The following LMBRD1 variants were observed in gnomAD, a reference collection of about 807,000 sequenced individuals.
LMBRD1 encodes lysosomal cobalamin transport escort protein LMBD1.
In LMBRD1, 64 loss-of-function variants were observed where a neutral mutation model predicts 74.8. The observed-to-expected ratio is 0.86, with a 90% CI of 0.70 to 1.05. The LOEUF is 1.05. Among genes scored for constraint, LMBRD1 ranks in the 50% least tolerant of loss-of-function variants. The pLI, the probability that LMBRD1 is intolerant of heterozygous loss-of-function variation, is 0.00. For missense variants in LMBRD1, 652 were observed against 645.9 expected, an observed-to-expected ratio of 1.01 and a Z score of -0.10; for synonymous variants, 204 against 216.3, an observed-to-expected ratio of 0.94 and a Z score of 0.50.
At chr6:69,775,707 A>G (rs951552220) in intron 3 of LMBRD1, among the ~76,000 whole-genome samples, 1 of 152,198 alleles carries the variant, frequency 6.6e-6, no homozygotes, top group Non-Finnish European at 1.5e-5. Flanking sequence ...TGTGACAGGA[A>G]ATACACATAA....
Position 69,780,478 on chromosome 6 carries a change from A to G in LMBRD1, c.307+16T>C. 6.3e-7 allele frequency: 1 copy of G among 1,591,126 alleles called. No homozygotes were observed. The highest frequency in any genetic ancestry group is 1.3e-5 in the African/African-American group (1 of 74,592). Reference sequence around the variant, plus strand: ...GTTAGCAGTCCAAATAGGGAAAGAAACTGAAAGATACTTACTATAGTAACC... The same window carrying G: ...GTTAGCAGTCCAAATAGGGAAAGAAGCTGAAAGATACTTACTATAGTAACC... On this transcript the variant is annotated intron_variant, in intron 3 of 15. Transcript: ENST00000649934.
At chr6:69,769,667 G>T (rs1765538502) in intron 3 of LMBRD1, among the ~76,000 whole-genome samples, 1 of 150,892 alleles carries the variant, frequency 6.6e-6, no homozygotes, top group Non-Finnish European at 1.5e-5. Flanking sequence ...ATTTGGCAGG[G>T]TTAAGTCTAT....
At chr6:69,705,832 T>A in intron 9 of LMBRD1, 2 of 1,297,682 alleles carry the variant, frequency 1.5e-6, no homozygotes, top group Non-Finnish European at 1.1e-6. Context: ...TTCACTAATA[T>A]GCACTGGCCC....
chr6:69,703,070 T>C (rs1766168415), intron 9 of LMBRD1, among the ~76,000 whole-genome samples: 1 of 152,042 alleles, frequency 6.6e-6, no homozygotes, highest in South Asian at 2.1e-4. Context: ...AAGGCTATAG[T>C]CATCTCTTGA....
At chr6:69,730,952 T>G (rs776993729) in intron 7 of LMBRD1, among the ~76,000 whole-genome samples, 1 of 152,108 alleles carries the variant, frequency 6.6e-6, no homozygotes. Context: ...ATAGGTGTGT[T>G]GGCAGCTTCG....
intron 14 of LMBRD1, 142 bp from the exon 15 acceptor site, chr6:69,676,683 G>T (rs3214022): frequency 2.7e-6 from 2 of 727,632 alleles, no homozygotes; most frequent in East Asian, 5.5e-5. Flanking sequence ...CTGAAACTTA[G>T]GTCTCTCTCC....
chr6:69,773,191 G>A (rs1188777805), intron 3 of LMBRD1, among the ~76,000 whole-genome samples: 3 of 151,964 alleles, frequency 2.0e-5, no homozygotes, highest in Admixed American at 6.6e-5. Context: ...AAGGGTGACT[G>A]CTCATGTGTG....
rs766881860 is a variant in LMBRD1, at chr6:69,701,537, T to G, written c.989A>C (p.Lys330Thr). The G allele has an allele frequency of 6.3e-7, 1 of 1,586,794 alleles. No individual in the cohort carries two copies. Residue 330 changes from lysine (K) to threonine (T), a missense_variant, in exon 11 of 16, where the codon AAA becomes ACA. By Grantham distance (78) the Lys-to-Thr change is moderately conservative. This residue lies in a region of LMBRD1 where 598 missense variants were observed against 581.8 expected (regional missense o/e 1.03). Transcript: ENST00000649934. ...ATCTATTCCAGCTGAATGAAGAGCTTTATCTAAACTAAAAAAAATTACAAA... is the reference window on the plus strand; with the variant it reads ...ATCTATTCCAGCTGAATGAAGAGCTGTATCTAAACTAAAAAAAATTACAAA... ...VISLFLSNLDKALHSAGIDSG... is the reference protein window; with the variant it reads ...VISLFLSNLDTALHSAGIDSG...
chr6:69,763,712 G>A (rs962863260), intron 3 of LMBRD1, among the ~76,000 whole-genome samples: 9 of 152,158 alleles, frequency 5.9e-5, no homozygotes, highest in African/African-American at 1.2e-4. Flanking sequence ...ACACTGCCCC[G>A]CAGAATGGTA....
intron 2 of LMBRD1, among the ~76,000 whole-genome samples, chr6:69,787,973 A>G (rs1216544350): frequency 6.6e-6 from 1 of 152,198 alleles, no homozygotes; most frequent in Non-Finnish European, 1.5e-5. Context: ...AATCTTGTTC[A>G]AACAAGTATA....
intron 9 of LMBRD1, among the ~76,000 whole-genome samples, chr6:69,710,541 T>C (rs1766360603): frequency 6.6e-6 from 1 of 151,952 alleles, no homozygotes; most frequent in Admixed American, 6.6e-5. Context: ...ACCAAAAACA[T>C]AAAGAAAACT....
intron 4 of LMBRD1, among the ~76,000 whole-genome samples, chr6:69,752,029 T>C (rs965559024): frequency 1.3e-5 from 2 of 152,224 alleles, no homozygotes; most frequent in African/African-American, 4.8e-5. Flanking sequence ...AGAAACTTAA[T>C]ATTTCATTAA....
At chr6:69,773,550 T>G (rs1294229104) in intron 3 of LMBRD1, among the ~76,000 whole-genome samples, 1 of 152,164 alleles carries the variant, frequency 6.6e-6, no homozygotes, top group African/African-American at 2.4e-5. Flanking sequence ...AAACTGGAAC[T>G]GAAAAGCTTC....
At chr6:69,747,530 C>T (rs1346415723) in intron 5 of LMBRD1, among the ~76,000 whole-genome samples, 1 of 152,216 alleles carries the variant, frequency 6.6e-6, no homozygotes, top group African/African-American at 2.4e-5. Context: ...AATTCCCATT[C>T]CTTCGAATCT....
At chr6:69,713,994 T>A (rs1489330508) in intron 8 of LMBRD1, among the ~76,000 whole-genome samples, 197 bp from the exon 9 acceptor site, 1 of 152,094 alleles carries the variant, frequency 6.6e-6, no homozygotes, top group Non-Finnish European at 1.5e-5. Context: ...TGTGGATGTG[T>A]GTACATTTAT....
In LMBRD1 at chr6:69,761,448, C is replaced by T. The variant is rs1356380297; in HGVS notation, c.308-9092G>A. ...GCCTTAGTCCTTCATAACTTTTTAA[C>T]CTCATTTTTTTAATCTATGAATTAG... is the stretch of plus-strand genomic sequence containing the variant. On this transcript the variant is annotated intron_variant, in intron 3 of 15. Coordinates refer to ENST00000649934, the MANE Select transcript of LMBRD1 (RefSeq NM_018368.4). Among the ~76,000 whole-genome samples the T allele has an allele frequency of 2.6e-5, 4 of 152,148 alleles. No individual in the cohort carries two copies. The East Asian group carries it at 7.7e-4, about 29-fold the overall frequency.
intron 9 of LMBRD1, chr6:69,705,938 T>TTA: frequency 8.4e-7 from 1 of 1,184,686 alleles, no homozygotes; most frequent in East Asian, 2.3e-5. Flanking sequence ...GTTGCCAGTG[T>TTA]TACTTTAATT....
chr6:69,744,444 T>C (rs16868129), intron 5 of LMBRD1, among the ~76,000 whole-genome samples: 12,240 of 152,278 alleles, frequency 0.08, 651 homozygotes, highest in Admixed American at 0.15. Context: ...GATTATACTT[T>C]TCCCTCATGC....
rs1765656872 is a variant in LMBRD1 at position 69,774,913 on chromosome 6, C to G, written c.307+5581G>C. Among the ~76,000 whole-genome samples, 4 of 143,760 alleles carry G rather than the reference C, an allele frequency of 2.8e-5. No homozygotes were observed. The South Asian group carries it at 9.1e-4, about 33-fold the overall frequency. 94.3% of individuals were successfully genotyped at this position (143,760 alleles called of 152,430 possible). A position where few individuals can be genotyped will look rare whatever the true frequency, so the allele number is the denominator to read the frequency against. ...GTTCAAGTTTACAATGAGCTATGAT[C>G]ACGCCACCGCACTCCTGCCCAAAAT... On this transcript the variant is annotated intron_variant, in intron 3 of 15. Transcript: ENST00000649934.
Sources: gnomAD v4.1 joint callset for allele counts (sites outside exome capture counted in the v4.1 genomes callset) on GRCh38, gnomAD v4.1.1 for gene constraint, gnomAD v4.1.1 regional missense constraint, MANE v1.5 for transcripts, NCBI Gene and HGNC (gene_info 2026-07-23, HGNC 2026-07-21) for gene names.